The following FBXW11 variants were observed in gnomAD, a reference collection of about 807,000 sequenced individuals.
FBXW11 encodes F-box/WD repeat-containing protein 11.
Under a neutral mutation model 77.6 loss-of-function variants are expected in FBXW11, and 19 were observed. The ratio of observed to expected loss-of-function variants is 0.24; its 90% CI spans 0.17 to 0.36. The LOEUF is 0.36. Ranked by LOEUF, FBXW11 falls within the 10% of genes least tolerant of loss-of-function variation. FBXW11 has a pLI of 1.00. For missense variants in FBXW11, 334 were observed against 704.2 expected (o/e 0.47, Z 5.95); for synonymous variants, 235 against 249.4 (o/e 0.94, Z 0.54).
At chr5:171,992,128 GA>G (rs397768542) in intron 1 of FBXW11, among the ~76,000 whole-genome samples, 2,248 of 85,336 alleles carry the variant, frequency 0.026, 29 homozygotes, top group African/African-American at 0.074. Context: ...AAGAAAAAAA[GA>G]AAAAAAAAAA....
At chr5:171,972,638 G>A (rs1764602633) in intron 1 of FBXW11, among the ~76,000 whole-genome samples, 1 of 150,422 alleles carries the variant, frequency 6.6e-6, no homozygotes, top group South Asian at 2.1e-4. Flanking sequence ...TCCGCTTCCT[G>A]GCTTCAAGTG....
At chr5:171,963,796 A>G (rs1314519750) in intron 1 of FBXW11, among the ~76,000 whole-genome samples, 1 of 152,216 alleles carries the variant, frequency 6.6e-6, no homozygotes, top group Non-Finnish European at 1.5e-5. Flanking sequence ...TGTTTTCTAG[A>G]ACTCGTGGAG....
intron 1 of FBXW11, among the ~76,000 whole-genome samples, chr5:171,995,003 A>G (rs1052886500): frequency 3.6e-4 from 55 of 152,360 alleles, no homozygotes; most frequent in African/African-American, 1.3e-3. Flanking sequence ...TCACCAGAGG[A>G]GAAATATTAG....
At chr5:171,890,379 T>C (rs1314842001) in intron 7 of FBXW11, among the ~76,000 whole-genome samples, 2 of 149,380 alleles carry the variant, frequency 1.3e-5, no homozygotes, top group African/African-American at 4.9e-5. Context: ...AAAAATTAGC[T>C]GGGCGTGGTG....
At chr5:171,939,780 T>C (rs1445843653) in intron 2 of FBXW11, among the ~76,000 whole-genome samples, 1 of 151,980 alleles carries the variant, frequency 6.6e-6, no homozygotes, top group African/African-American at 2.4e-5. Context: ...CATGTATTTT[T>C]CAGTGATGTT....
At chr5:171,888,511 G>A (rs897830113) in intron 7 of FBXW11, among the ~76,000 whole-genome samples, 1 of 152,192 alleles carries the variant, frequency 6.6e-6, no homozygotes, top group African/African-American at 2.4e-5. Context: ...CAACCCCTCT[G>A]ATGATGTCAA....
At chr5:171,898,603 GAGTAA>G (rs1759907641) in intron 6 of FBXW11, among the ~76,000 whole-genome samples, 2 of 152,100 alleles carry the variant, frequency 1.3e-5, no homozygotes, top group Admixed American at 1.3e-4. Flanking sequence ...GAAAAACTAT[GAGTAA>G]TGTACAGAGA....
intron 6 of FBXW11, among the ~76,000 whole-genome samples, chr5:171,895,466 T>C (rs767776255): frequency 2.6e-5 from 4 of 152,284 alleles, no homozygotes; most frequent in Non-Finnish European, 5.9e-5. Flanking sequence ...CTGAATAAAA[T>C]GTGGCTTATT....
At chr5:171,974,560 A>AT (rs1202058662) in intron 1 of FBXW11, among the ~76,000 whole-genome samples, 1 of 152,150 alleles carries the variant, frequency 6.6e-6, no homozygotes, top group East Asian at 1.9e-4. Flanking sequence ...TGAAGCTAAA[A>AT]AAAAAACAGG....
At position 171,916,163 on chromosome 5, in the gene FBXW11, T is replaced by C. The variant is rs185460261; in HGVS notation, c.148-1758A>G. Among the ~76,000 whole-genome samples the C allele has an allele frequency of 3.1e-3, 454 of 147,028 alleles. 1 individual carries two copies. The highest frequency in any genetic ancestry group is 4.9e-3 in the South Asian group (23 of 4,688). On this transcript the variant is annotated intron_variant, in intron 2 of 13. Transcript: ENST00000517395. Reference sequence around the variant, plus strand: ...AAATGACGAGTTAATGGGTGGAGCATACCAACATGGCACATGTATACATAT... The same window carrying C: ...AAATGACGAGTTAATGGGTGGAGCACACCAACATGGCACATGTATACATAT...
intron 2 of FBXW11, among the ~76,000 whole-genome samples, chr5:171,920,364 A>G (rs1193826594): frequency 6.7e-6 from 1 of 150,352 alleles, no homozygotes; most frequent in Non-Finnish European, 1.5e-5. Context: ...CTGATCACAG[A>G]TATGTTCGGT....
chr5:171,999,293 CA>C (rs1213921083), intron 1 of FBXW11, among the ~76,000 whole-genome samples: 7 of 152,036 alleles, frequency 4.6e-5, no homozygotes, highest in African/African-American at 1.7e-4. Context: ...TAGCAAAACA[CA>C]ACCACAGCAA....
At chr5:171,917,366 GAA>G (rs948112735) in intron 2 of FBXW11, among the ~76,000 whole-genome samples, 3 of 152,136 alleles carry the variant, frequency 2.0e-5, no homozygotes, top group African/African-American at 7.2e-5. Flanking sequence ...CACTATACAT[GAA>G]ACAACTCTTC....
intron 6 of FBXW11, among the ~76,000 whole-genome samples, chr5:171,893,954 G>A (rs1173632611): frequency 1.3e-5 from 2 of 151,620 alleles, no homozygotes; most frequent in Non-Finnish European, 2.9e-5. Flanking sequence ...GAGTCTGAGG[G>A]GGAAACAATT....
At chr5:171,899,166 G>T in intron 5 of FBXW11, 72 bp from the exon 6 acceptor site, 2 of 962,172 alleles carry the variant, frequency 2.1e-6, no homozygotes, top group South Asian at 1.6e-5. Flanking sequence ...ACATGGTGCT[G>T]ACAAAGATAT....
intron 1 of FBXW11, among the ~76,000 whole-genome samples, chr5:171,960,586 A>G (rs1251786289): frequency 6.6e-6 from 1 of 152,262 alleles, no homozygotes; most frequent in Non-Finnish European, 1.5e-5. Flanking sequence ...AACTTTTTAA[A>G]AGGCAATTTT....
At chr5:171,900,774 C>G (rs1365404088) in intron 4 of FBXW11, among the ~76,000 whole-genome samples, 1 of 152,162 alleles carries the variant, frequency 6.6e-6, no homozygotes, top group Non-Finnish European at 1.5e-5. Flanking sequence ...ATGGGACAAT[C>G]CTCAAAAGCA....
At chr5:171,907,929 C>T (rs934092976) in intron 4 of FBXW11, among the ~76,000 whole-genome samples, 1 of 152,196 alleles carries the variant, frequency 6.6e-6, no homozygotes, top group Non-Finnish European at 1.5e-5. Context: ...TGTGGCTACT[C>T]TGCAAATACA....
intron 2 of FBXW11, among the ~76,000 whole-genome samples, chr5:171,922,242 A>T (rs1008330124): frequency 6.6e-6 from 1 of 152,250 alleles, no homozygotes; most frequent in African/African-American, 2.4e-5. Context: ...TCAGGAACAG[A>T]TTATTACATA....
Sources: allele counts gnomAD v4.1 joint callset (sites outside exome capture counted in the v4.1 genomes callset), GRCh38; gene constraint gnomAD v4.1.1; transcripts MANE v1.5; gene names NCBI Gene and HGNC (gene_info 2026-07-23, HGNC 2026-07-21).